Variants in NKTR observed in about 807,000 individuals in gnomAD.
NKTR encodes natural killer cell triggering receptor, also known as NK-tumor recognition protein.
A neutral mutation model predicts 156.3 loss-of-function variants in NKTR; 67 were observed. That is an observed-to-expected ratio of 0.43 (90% CI 0.35 to 0.53). The LOEUF is 0.53. Among genes scored for constraint, NKTR ranks in the 20% least tolerant of loss-of-function variants. The pLI, the probability that NKTR is intolerant of heterozygous loss-of-function variation, is 0.01. For missense variants in NKTR, 1,604 were observed against 1,730.9 expected (o/e 0.93, Z 1.30); for synonymous variants, 640 against 596.6 (o/e 1.07, Z -1.06).
At position 42,629,203 on chromosome 3, in the gene NKTR, CTAGA is replaced by C. The variant is rs1254426527; in HGVS notation, c.375-1339_375-1336del. ...TAAACACTAGTGGCTCACTAATTCACTAGATAGTTTTTGTTCTGTTTTCTTTTTG... is the reference window on the plus strand; with the variant it reads ...TAAACACTAGTGGCTCACTAATTCACTAGTTTTTGTTCTGTTTTCTTTTTG... On this transcript the variant is annotated intron_variant, in intron 6 of 16. Transcript: ENST00000232978. The C allele has an allele frequency of 3.0e-6, 3 of 984,758 alleles. No homozygotes were observed. In the African/African-American group the frequency reaches 5.2e-5, roughly 17 times the overall value. The allele number at this position is 984,758 out of a possible 1,614,324, so 61.0% of individuals were successfully genotyped here.
intron 16 of NKTR, 40 bp from the exon 17 acceptor site, chr3:42,645,846 TAC>T: frequency 1.4e-6 from 2 of 1,394,148 alleles, no homozygotes. Flanking sequence ...TCAAAGATTT[TAC>T]AGTTACAAGA....
At chr3:42,607,384 G>A (rs1209342957) in intron 2 of NKTR, among the ~76,000 whole-genome samples, 2 of 152,254 alleles carry the variant, frequency 1.3e-5, no homozygotes, top group Non-Finnish European at 2.9e-5. Context: ...TGTGCTGTGT[G>A]CAAAGTATCC....
intron 6 of NKTR, among the ~76,000 whole-genome samples, chr3:42,626,164 C>T (rs1400324312): frequency 7.3e-6 from 1 of 136,160 alleles, no homozygotes; most frequent in African/African-American, 3.3e-5. Flanking sequence ...CCTACAGTCA[C>T]TTATTTTTTT....
At chr3:42,628,697 T>C (rs1708617673) in intron 6 of NKTR, 2 of 985,190 alleles carry the variant, frequency 2.0e-6, no homozygotes, top group Non-Finnish European at 1.2e-6. Context: ...TGTAGAAAAA[T>C]TTACTTTTTT....
Position 42,648,387 on chromosome 3 carries a change from T to A in NKTR, c.*2412T>A, listed in dbSNP as rs1055834334. 6.6e-6 allele frequency: 1 copy of A among 152,244 alleles called. No homozygotes were observed. The highest frequency in any genetic ancestry group is 1.5e-5 in the Non-Finnish European group (1 of 68,048). The allele number at this position is 152,244 out of a possible 1,614,324, so 9.4% of individuals were successfully genotyped here. On this transcript the variant is annotated 3_prime_UTR_variant, in exon 17 of 17. Transcript: ENST00000232978. ...AAAAGATAGGCCCTAGAAGCCTCAT[T>A]TCTTTTCTCCATGGAAAAGGACAGC...
chr3:42,629,349 T>G (rs1708689294), intron 6 of NKTR: 1 of 947,742 alleles, frequency 1.1e-6, no homozygotes, highest in African/African-American at 1.8e-5. Context: ...TTCTGGAACT[T>G]CTTAAGTTGA....
At position 42,639,228 on chromosome 3, in the gene NKTR, T is replaced by C. The variant is rs147474404; in HGVS notation, c.3524T>C (p.Val1175Ala). The C allele has an allele frequency of 1.3e-4, 204 of 1,613,900 alleles. No individual in the cohort carries two copies. Among genetic ancestry groups the C allele is most frequent in the Non-Finnish European group, 1.6e-4 (186 of 1,180,018 alleles). Reference sequence around the variant, plus strand: ...GCAACGGAACATCCTCAAGCAGAGGTAGTAAAACAGGAAAGCAGCATGTCC... The same window carrying C: ...GCAACGGAACATCCTCAAGCAGAGGCAGTAAAACAGGAAAGCAGCATGTCC... ...DMATEHPQAEVVKQESSMSES... is the reference protein window; with the variant it reads ...DMATEHPQAEAVKQESSMSES... The change falls in exon 13 of 17, where the codon GTA becomes GCA. Residue 1175 changes from valine to alanine, a missense_variant. Val to Ala is a moderately conservative substitution (Grantham distance 64). Transcript: ENST00000232978.
chr3:42,627,586 CTT>C (rs1184112284), intron 6 of NKTR: 2 of 984,950 alleles, frequency 2.0e-6, no homozygotes, highest in Non-Finnish European at 2.4e-6. Flanking sequence ...AGCAGTGACA[CTT>C]GTCAATTTCT....
intron 13 of NKTR, among the ~76,000 whole-genome samples, chr3:42,641,303 C>T (rs1709864292): frequency 6.6e-6 from 1 of 152,154 alleles, no homozygotes; most frequent in Non-Finnish European, 1.5e-5. Context: ...TATTCATTTT[C>T]TTGCAGATAT....
rs3815405 is a variant in NKTR, at chr3:42,621,079, G to A, written c.287-350G>A. 159 of 985,918 alleles carry A rather than the reference G, an allele frequency of 1.6e-4. 3 individuals are homozygous for A. The East Asian group carries it at 0.014, about 85-fold the overall frequency. 61.1% of individuals were successfully genotyped at this position (985,918 alleles called of 1,614,324 possible). On this transcript the variant is annotated intron_variant, in intron 5 of 16. Transcript: ENST00000232978. ...CATTAGGCAAGCTAATTGGAAATTT[G>A]GAGGAAGTAAGCTAGAGATTTTTCT... is the stretch of plus-strand genomic sequence containing the variant.
intron 7 of NKTR, chr3:42,630,856 G>A: frequency 7.4e-7 from 1 of 1,343,570 alleles, no homozygotes; most frequent in Non-Finnish European, 9.5e-7. Context: ...CGGATAGTAA[G>A]CAGTACAATA....
intron 7 of NKTR, 99 bp downstream of exon 7, chr3:42,630,674 G>A (rs2125803932): frequency 6.4e-7 from 1 of 1,570,192 alleles, no homozygotes; most frequent in Non-Finnish European, 8.6e-7. Flanking sequence ...CGCTCTTGAT[G>A]TCTGGCTTAA....
At position 42,637,444 on chromosome 3, in the gene NKTR, T is replaced by C; in HGVS notation, c.1740T>C (p.Val580=). The C allele has an allele frequency of 6.2e-7, 1 of 1,613,006 alleles. No homozygotes were observed. The highest frequency in any genetic ancestry group is 8.5e-7 in the Non-Finnish European group (1 of 1,179,714). Residue 580 remains valine (V), a synonymous_variant, in exon 13 of 17, where the codon GTT becomes GTC. Coordinates refer to ENST00000232978, the MANE Select transcript of NKTR (RefSeq NM_005385.4). ...TASQLSENKP[V]KTEPLRATMA... ...CTCAGTTAAGTGAAAATAAACCAGTTAAAACAGAACCTTTAAGAGCAACCA... is the reference window on the plus strand; with the variant it reads ...CTCAGTTAAGTGAAAATAAACCAGTCAAAACAGAACCTTTAAGAGCAACCA...
At position 42,639,641 on chromosome 3, in the gene NKTR, A is replaced by G. The variant is rs1577578458; in HGVS notation, c.3937A>G (p.Ser1313Gly). ...PSRDDDSQSR[S>G]PSRSRSKSET... ...TCGGGATGATGATAGCCAGTCCAGG[A>G]GTCCAAGTAGATCTCGAAGTAAATC... The change falls in exon 13 of 17, where the codon AGT (serine) becomes GGT (glycine). Residue 1313 changes from serine (S) to glycine (G), a missense_variant. Ser to Gly is a moderately conservative substitution (Grantham distance 56, BLOSUM62 0). Coordinates refer to ENST00000232978, the MANE Select transcript of NKTR (RefSeq NM_005385.4). The G allele has an allele frequency of 1.2e-6, 2 of 1,614,122 alleles. No homozygotes were observed. The highest frequency in any genetic ancestry group is 1.1e-5 in the South Asian group (1 of 91,084).
At chr3:42,608,902 G>C (rs1359965982) in intron 2 of NKTR, among the ~76,000 whole-genome samples, 1 of 152,186 alleles carries the variant, frequency 6.6e-6, no homozygotes, top group Non-Finnish European at 1.5e-5. Context: ...GAGGCAGGCA[G>C]ATCACTTGAG....
intron 7 of NKTR, 191 bp downstream of exon 7, chr3:42,630,766 A>C: frequency 1.4e-6 from 2 of 1,393,480 alleles, no homozygotes; most frequent in Non-Finnish European, 9.3e-7. Flanking sequence ...TGAAGGAGTC[A>C]ATCTGTGCTC....
At chr3:42,616,673 G>C (rs1005251102) in intron 2 of NKTR, among the ~76,000 whole-genome samples, 2 of 152,206 alleles carry the variant, frequency 1.3e-5, no homozygotes, top group African/African-American at 4.8e-5. Flanking sequence ...TGAAGTTGCT[G>C]ACTTTTCCTT....
intron 2 of NKTR, among the ~76,000 whole-genome samples, chr3:42,605,179 G>A (rs144239985): frequency 3.9e-5 from 6 of 152,114 alleles, no homozygotes; most frequent in East Asian, 3.9e-4. Context: ...AGTTACTTCC[G>A]TTTTATTAGT....
intron 2 of NKTR, among the ~76,000 whole-genome samples, chr3:42,616,546 A>G (rs1707384020): frequency 6.6e-6 from 1 of 152,226 alleles, no homozygotes; most frequent in Middle Eastern, 3.2e-3. Context: ...CTGAGTTTTA[A>G]CATTTAATAT....
Sources: allele counts gnomAD v4.1 joint callset (sites outside exome capture counted in the v4.1 genomes callset), GRCh38; gene constraint gnomAD v4.1.1; transcripts MANE v1.5; gene names NCBI Gene and HGNC (gene_info 2026-07-23, HGNC 2026-07-21).